Variants in NAT1 observed in about 807,000 individuals in gnomAD.
The protein encoded by NAT1 is N-acetyltransferase 1.
For missense variants in NAT1, 400 were observed against 339.2 expected, an observed-to-expected ratio of 1.18 and a Z score of -1.41; for synonymous variants, 144 against 122.6, an observed-to-expected ratio of 1.17 and a Z score of -1.16.
upstream of NAT1, among the ~76,000 whole-genome samples, chr8:18,205,143 T>A (rs898164702): frequency 6.6e-6 from 1 of 152,190 alleles, no homozygotes; most frequent in Non-Finnish European, 1.5e-5. Flanking sequence ...TACAGCAAGA[T>A]CCATTCTTGC....
chr8:18,210,910 G>T (rs966321558), intron 1 of NAT1, among the ~76,000 whole-genome samples: 1 of 152,150 alleles, frequency 6.6e-6, no homozygotes, highest in African/African-American at 2.4e-5. Context: ...GAGTAGCTGT[G>T]ATTACAGGCA....
chr8:18,222,013 T>C (rs759496541), intron 2 of NAT1, 29 bp from the exon 3 acceptor site: 11 of 1,570,134 alleles, frequency 7.0e-6, no homozygotes, highest in East Asian at 2.3e-5. Context: ...AGTAAAATGA[T>C]TTGCTTTCGT....
intron 2 of NAT1, among the ~76,000 whole-genome samples, chr8:18,178,681 T>C (rs1487444475): frequency 6.6e-6 from 1 of 152,138 alleles, no homozygotes; most frequent in Non-Finnish European, 1.5e-5. Context: ...AAATCCATAA[T>C]GTGGACAATT....
chr8:18,184,737 T>C (rs1167236411), intron 2 of NAT1, among the ~76,000 whole-genome samples: 1 of 152,142 alleles, frequency 6.6e-6, no homozygotes, highest in East Asian at 1.9e-4. Context: ...AGTCTATGAA[T>C]GGATTAATGC....
intron 2 of NAT1, among the ~76,000 whole-genome samples, chr8:18,188,719 C>T (rs116978448): frequency 4.0e-5 from 6 of 151,170 alleles, no homozygotes; most frequent in Non-Finnish European, 5.9e-5. Flanking sequence ...AACATCAGGC[C>T]GGGCGTGGTG....
At chr8:18,178,186 C>G (rs901280386) in intron 2 of NAT1, among the ~76,000 whole-genome samples, 3 of 151,712 alleles carry the variant, frequency 2.0e-5, no homozygotes, top group African/African-American at 7.3e-5. Context: ...GATGCAAGAA[C>G]TCACACTGTA....
At position 18,219,476 on chromosome 8, in the gene NAT1, A is replaced by G. The variant is rs1805060574; in HGVS notation, c.-20A>G. 4.5e-6 allele frequency: 7 copies of G among 1,549,276 alleles called. No homozygotes were observed. The highest frequency in any genetic ancestry group is 1.4e-5 in the African/African-American group (1 of 72,960). Reference sequence around the variant, plus strand: ...AAAACTGAAGATCAACCTACTTTCAACTTACTAAGAAAGGTATTAAGCGCC... The same window carrying G: ...AAAACTGAAGATCAACCTACTTTCAGCTTACTAAGAAAGGTATTAAGCGCC... On this transcript the variant is annotated 5_prime_UTR_variant, in exon 2 of 3. Transcript: ENST00000307719.
Position 18,199,228 on chromosome 8 carries a change from C to T in NAT1, n.93-10553C>T, listed in dbSNP as rs528333474. On this transcript the variant is annotated intron_variant and non_coding_transcript_variant, in intron 2 of 4. Transcript: ENST00000517441. ...ACTTGGGAGGCTGAGACAGGAGAAT[C>T]GTTTGAACCCAGGAGGTGGAGTTTG... is the stretch of plus-strand genomic sequence containing the variant. Among the ~76,000 whole-genome samples the T allele has an allele frequency of 1.1e-4, 17 of 149,626 alleles. 1 individual carries two copies. Among genetic ancestry groups the T allele is most frequent in the African/African-American group, 4.0e-4 (16 of 40,414 alleles).
At chr8:18,175,682 C>G (rs2117202893) in intron 2 of NAT1, among the ~76,000 whole-genome samples, 1 of 152,206 alleles carries the variant, frequency 6.6e-6, no homozygotes, top group South Asian at 2.1e-4. Flanking sequence ...CATGGGAGTA[C>G]AGACATCTCT....
At chr8:18,211,283 C>G (rs1804076217) in intron 1 of NAT1, 1 of 152,300 alleles carries the variant, frequency 6.6e-6, no homozygotes, top group South Asian at 2.1e-4. Flanking sequence ...AGCTGAGGGC[C>G]CAACAGGCTT....
chr8:18,215,526 C>A (rs961269599), intron 1 of NAT1, among the ~76,000 whole-genome samples: 2 of 152,084 alleles, frequency 1.3e-5, no homozygotes, highest in Non-Finnish European at 2.9e-5. Context: ...GGTATGAAAT[C>A]TTTCTTTTCA....
At chr8:18,213,170 C>T (rs1804281074) in intron 1 of NAT1, among the ~76,000 whole-genome samples, 1 of 151,906 alleles carries the variant, frequency 6.6e-6, no homozygotes, top group African/African-American at 2.4e-5. Flanking sequence ...CCTCGGCCTC[C>T]CAAAGCGCTG....
intron 2 of NAT1, among the ~76,000 whole-genome samples, chr8:18,197,889 C>CTT (rs532863435): frequency 1.1e-4 from 15 of 139,712 alleles, no homozygotes; most frequent in African/African-American, 3.1e-4. Flanking sequence ...TATGTTTATA[C>CTT]TTTTTTTTTT....
chr8:18,203,438 C>G (rs953579837), intron 2 of NAT1, among the ~76,000 whole-genome samples: 7 of 152,176 alleles, frequency 4.6e-5, no homozygotes, highest in African/African-American at 1.4e-4. Context: ...TAAGTTTAGG[C>G]TATCTCTCCT....
At chr8:18,193,776 G>A (rs1219804339) in intron 2 of NAT1, among the ~76,000 whole-genome samples, 1 of 150,938 alleles carries the variant, frequency 6.6e-6, no homozygotes, top group Non-Finnish European at 1.5e-5. Context: ...TGAGTAGCTG[G>A]GATACAGGTG....
chr8:18,184,021 C>T (rs1272135776), intron 2 of NAT1, among the ~76,000 whole-genome samples: 4 of 152,082 alleles, frequency 2.6e-5, no homozygotes, highest in Non-Finnish European at 4.4e-5. Context: ...TGGCTCTATG[C>T]TTTCAGGGTC....
intron 2 of NAT1, among the ~76,000 whole-genome samples, chr8:18,192,624 A>T (rs1803044692): frequency 1.3e-5 from 2 of 152,140 alleles, no homozygotes; most frequent in African/African-American, 4.8e-5. Context: ...GATTAAGAAA[A>T]TGTGGCACAT....
At chr8:18,204,165 C>A (rs183361588) in intron 2 of NAT1, among the ~76,000 whole-genome samples, 1,613 of 148,078 alleles carry the variant, frequency 0.011, 15 homozygotes, top group Middle Eastern at 0.082. Context: ...GGATGTCTTT[C>A]TCTCTCTCTC....
intron 2 of NAT1, among the ~76,000 whole-genome samples, chr8:18,188,526 CA>C (rs1331140315): frequency 2.6e-5 from 4 of 151,962 alleles, no homozygotes; most frequent in Admixed American, 2.0e-4. Flanking sequence ...TTGATTTTAT[CA>C]ACTTTTATTA....
Sources: gnomAD v4.1 joint callset for allele counts (sites outside exome capture counted in the v4.1 genomes callset) on GRCh38, gnomAD v4.1.1 for gene constraint, MANE v1.5 for transcripts, NCBI Gene and HGNC (gene_info 2026-07-23, HGNC 2026-07-21) for gene names.